The following SEMA5A variants were observed in gnomAD, a reference collection of about 807,000 sequenced individuals.
SEMA5A encodes the protein semaphorin-5A.
In SEMA5A, 55 loss-of-function variants were observed where a neutral mutation model predicts 135.5. The observed-to-expected ratio is 0.41, with a 90% confidence interval of 0.33 to 0.51. The LOEUF is 0.51. Ranked by LOEUF, SEMA5A falls within the 20% of genes least tolerant of loss-of-function variation. The pLI is 0.37. For missense variants in SEMA5A, 1,290 were observed against 1,419.9 expected (o/e 0.91, Z 1.47); for synonymous variants, 580 against 546.5 (o/e 1.06, Z -0.85).
chr5:9,148,356 AAC>A (rs1742452813), intron 12 of SEMA5A, among the ~76,000 whole-genome samples: 1 of 152,136 alleles, frequency 6.6e-6, no homozygotes, highest in East Asian at 1.9e-4. Flanking sequence ...CTTTTCCTGA[AAC>A]ACAGAACTGG....
At chr5:9,394,821 CTTA>C (rs1756318973) in intron 2 of SEMA5A, among the ~76,000 whole-genome samples, 3 of 151,990 alleles carry the variant, frequency 2.0e-5, no homozygotes, top group African/African-American at 7.3e-5. Flanking sequence ...TATTATACAG[CTTA>C]TTAAGCCAAT....
At chr5:9,059,637 C>T (rs1188646528) in intron 18 of SEMA5A, among the ~76,000 whole-genome samples, 2 of 152,168 alleles carry the variant, frequency 1.3e-5, no homozygotes, top group Non-Finnish European at 2.9e-5. Context: ...GCAAACTCCA[C>T]CTCCTGGGCT....
chr5:9,384,981 C>A (rs944521508), intron 2 of SEMA5A, among the ~76,000 whole-genome samples: 2 of 152,294 alleles, frequency 1.3e-5, no homozygotes, highest in South Asian at 2.1e-4. Flanking sequence ...AAAGTTCTAT[C>A]ATCATTCAAC....
At chr5:9,244,926 C>G (rs146328764) in intron 5 of SEMA5A, among the ~76,000 whole-genome samples, 46 of 152,254 alleles carry the variant, frequency 3.0e-4, no homozygotes, top group Admixed American at 1.1e-3. Flanking sequence ...TCTGGGAAGA[C>G]AGAAAGGGAA....
At chr5:9,053,161 C>A (rs893474531) in intron 19 of SEMA5A, among the ~76,000 whole-genome samples, 2 of 152,162 alleles carry the variant, frequency 1.3e-5, no homozygotes, top group African/African-American at 4.8e-5. Context: ...CAGGTCATTC[C>A]TTCATGTCAG....
At chr5:9,433,066 T>C (rs542641763) in intron 2 of SEMA5A, among the ~76,000 whole-genome samples, 10 of 152,194 alleles carry the variant, frequency 6.6e-5, no homozygotes, top group Non-Finnish European at 8.8e-5. Flanking sequence ...AGGAGAAGTG[T>C]GTTTCTGGGA....
At chr5:9,521,332 C>T (rs1180492796) in intron 1 of SEMA5A, among the ~76,000 whole-genome samples, 1 of 152,190 alleles carries the variant, frequency 6.6e-6, no homozygotes, top group African/African-American at 2.4e-5. Context: ...ATCACTTGAA[C>T]CCAGGAGGTG....
At chr5:9,245,624 C>T (rs1257278478) in intron 5 of SEMA5A, among the ~76,000 whole-genome samples, 3 of 152,196 alleles carry the variant, frequency 2.0e-5, no homozygotes, top group East Asian at 1.9e-4. Flanking sequence ...CACCTTATTC[C>T]GTACTCTATA....
intron 2 of SEMA5A, among the ~76,000 whole-genome samples, chr5:9,405,564 C>A (rs563906986): frequency 1.3e-5 from 2 of 152,152 alleles, no homozygotes; most frequent in African/African-American, 4.8e-5. Flanking sequence ...ACAGAAAAGT[C>A]TTGGCAAAGT....
chr5:9,543,504 G>A (rs144553091), intron 1 of SEMA5A, among the ~76,000 whole-genome samples: 182 of 152,240 alleles, frequency 1.2e-3, no homozygotes, highest in Non-Finnish European at 2.2e-3. Context: ...CACCCAGGAG[G>A]CCAAAGCTTT....
At chr5:9,484,823 A>G (rs169163) in intron 1 of SEMA5A, among the ~76,000 whole-genome samples, 146,046 of 152,034 alleles carry the variant, frequency 0.96, 70,395 homozygotes, top group Non-Finnish European at 1. Flanking sequence ...TTGCATCAAC[A>G]TCCCAAAAGT....
intron 5 of SEMA5A, among the ~76,000 whole-genome samples, chr5:9,296,614 G>T (rs1751345568): frequency 6.6e-6 from 1 of 152,018 alleles, no homozygotes; most frequent in Admixed American, 6.6e-5. Flanking sequence ...TTATGCTCAA[G>T]CTTAATTTGG....
At chr5:9,507,054 A>G (rs1375565835) in intron 1 of SEMA5A, among the ~76,000 whole-genome samples, 1 of 152,258 alleles carries the variant, frequency 6.6e-6, no homozygotes, top group Non-Finnish European at 1.5e-5. Context: ...AGGTGCCATT[A>G]GTAAGATAAC....
At chr5:9,389,665 T>C (rs13176952) in intron 2 of SEMA5A, among the ~76,000 whole-genome samples, 6,682 of 152,208 alleles carry the variant, frequency 0.044, 207 homozygotes, top group Middle Eastern at 0.075. Context: ...TGCCCTCCTC[T>C]CTGTCCTGAC....
intron 1 of SEMA5A, among the ~76,000 whole-genome samples, chr5:9,454,449 A>G (rs1758757884): frequency 6.6e-6 from 1 of 152,232 alleles, no homozygotes; most frequent in African/African-American, 2.4e-5. Flanking sequence ...TCCCTTTGAT[A>G]TATTCGCATC....
chr5:9,185,933 G>T (rs40704), intron 11 of SEMA5A, among the ~76,000 whole-genome samples: 67,603 of 151,926 alleles, frequency 0.44, 15,415 homozygotes, highest in Non-Finnish European at 0.5. Context: ...GCGAGGGACT[G>T]TCACAGTGGT....
intron 1 of SEMA5A, among the ~76,000 whole-genome samples, chr5:9,520,245 G>C: frequency 6.6e-6 from 1 of 152,220 alleles, no homozygotes; most frequent in East Asian, 1.9e-4. Context: ...ACTGTTGTCA[G>C]GACTGGACAT....
intron 1 of SEMA5A, among the ~76,000 whole-genome samples, chr5:9,461,540 AT>A (rs1427386529): frequency 6.6e-6 from 1 of 152,110 alleles, no homozygotes; most frequent in Non-Finnish European, 1.5e-5. Context: ...AGAGAATGAT[AT>A]TTTTCCAAGT....
chr5:9,136,969 C>G (rs1741792769), intron 12 of SEMA5A, among the ~76,000 whole-genome samples: 1 of 152,174 alleles, frequency 6.6e-6, no homozygotes, highest in Admixed American at 6.5e-5. Context: ...CTACCGTCAC[C>G]ATGATCATCC....
Sources: gnomAD v4.1 joint callset for allele counts (sites outside exome capture counted in the v4.1 genomes callset) on GRCh38, gnomAD v4.1.1 for gene constraint, MANE v1.5 for transcripts, NCBI Gene and HGNC (gene_info 2026-07-23, HGNC 2026-07-21) for gene names.